CA10: variants seen among roughly 807,000 people sequenced by gnomAD.
The protein encoded by CA10 is carbonic anhydrase-related protein 10.
CA10 carries 14 observed loss-of-function variants against 44.2 expected under a neutral mutation model. The ratio of observed to expected loss-of-function variants is 0.32; its 90% CI spans 0.21 to 0.50. The LOEUF is 0.50. CA10 is among the 20% of genes least tolerant of loss of function. The pLI is 0.99. For missense variants in CA10, 350 were observed against 409.7 expected, an observed-to-expected ratio of 0.85 and a Z score of 1.26; for synonymous variants, 159 against 141.6, an observed-to-expected ratio of 1.12 and a Z score of -0.87.
chr17:52,058,629 G>A lies in CA10; in HGVS notation c.136+13690C>T, dbSNP rs141130353. Among the ~76,000 whole-genome samples, 226 of 152,260 alleles carry A rather than the reference G, an allele frequency of 1.5e-3. 1 individual carries two copies. Among genetic ancestry groups the A allele is most frequent in the Non-Finnish European group, 2.6e-3 (179 of 67,994 alleles). On this transcript the variant is annotated intron_variant, in intron 2 of 8. Coordinates refer to ENST00000451037, the MANE Select transcript of CA10 (RefSeq NM_020178.5). ...GAAGTTTTCAATCTGTTATTAAGTA[G>A]CAGTTCAGATTTCACTATGTTTAAT...
chr17:51,676,715 A>G (rs1167104829), intron 4 of CA10, among the ~76,000 whole-genome samples: 1 of 152,026 alleles, frequency 6.6e-6, no homozygotes. Flanking sequence ...CATATGCAAC[A>G]CTCCCCACTT....
chr17:51,784,690 T>C (rs769683432), intron 3 of CA10, among the ~76,000 whole-genome samples: 2 of 152,252 alleles, frequency 1.3e-5, no homozygotes, highest in African/African-American at 2.4e-5. Flanking sequence ...GTACAAGAGA[T>C]GTTTTGTTAC....
intron 2 of CA10, among the ~76,000 whole-genome samples, chr17:51,956,570 G>C (rs1300864727): frequency 3.9e-5 from 6 of 152,140 alleles, no homozygotes; most frequent in African/African-American, 1.4e-4. Context: ...TAGAGTAAGA[G>C]AAACATACAA....
At chr17:51,710,718 T>A (rs1915911961) in intron 4 of CA10, among the ~76,000 whole-genome samples, 1 of 152,032 alleles carries the variant, frequency 6.6e-6, no homozygotes, top group Admixed American at 6.6e-5. Context: ...CTGCCAAACC[T>A]GAAAGTGGTT....
intron 4 of CA10, among the ~76,000 whole-genome samples, chr17:51,681,401 C>A (rs1358152783): frequency 1.3e-5 from 2 of 152,152 alleles, no homozygotes; most frequent in South Asian, 2.1e-4. Flanking sequence ...TAGAGGGGAA[C>A]CAATTTTAGC....
intron 3 of CA10, among the ~76,000 whole-genome samples, chr17:51,799,713 T>C (rs1042932721): frequency 1.3e-5 from 2 of 152,222 alleles, no homozygotes; most frequent in Non-Finnish European, 1.5e-5. Flanking sequence ...AAAAACTGAG[T>C]ATATTATCCA....
chr17:51,753,863 A>G (rs1904979736), intron 3 of CA10, among the ~76,000 whole-genome samples: 2 of 152,012 alleles, frequency 1.3e-5, no homozygotes, highest in South Asian at 2.1e-4. Context: ...CTGTTTTTTG[A>G]TACGGAGTCT....
chr17:51,865,716 T>G (rs928526659), intron 3 of CA10, among the ~76,000 whole-genome samples: 1 of 152,224 alleles, frequency 6.6e-6, no homozygotes, highest in Non-Finnish European at 1.5e-5. Flanking sequence ...GCCCCACAGC[T>G]CATCAGTGCT....
intron 3 of CA10, among the ~76,000 whole-genome samples, chr17:51,864,007 A>G (rs1212830237): frequency 1.3e-5 from 2 of 152,112 alleles, no homozygotes; most frequent in East Asian, 3.9e-4. Context: ...ATGGGTTAAT[A>G]TTAGGCAGCT....
chr17:52,110,652 C>T (rs1048804625), intron 1 of CA10, among the ~76,000 whole-genome samples: 1 of 152,186 alleles, frequency 6.6e-6, no homozygotes, highest in Non-Finnish European at 1.5e-5. Context: ...TGAACTCTAG[C>T]TTCAGCCTGA....
At chr17:52,065,432 C>T (rs1458094685) in intron 2 of CA10, among the ~76,000 whole-genome samples, 1 of 152,124 alleles carries the variant, frequency 6.6e-6, no homozygotes, top group Admixed American at 6.5e-5. Flanking sequence ...CTATTCTGAC[C>T]CAAGTTTGTT....
intron 1 of CA10, among the ~76,000 whole-genome samples, chr17:52,127,518 C>T (rs1280146677): frequency 1.3e-5 from 2 of 152,082 alleles, no homozygotes; most frequent in African/African-American, 4.8e-5. Flanking sequence ...TGCAGACTTG[C>T]CCTCCAATAA....
At chr17:51,761,035 A>G (rs1025680018) in intron 3 of CA10, among the ~76,000 whole-genome samples, 1 of 152,166 alleles carries the variant, frequency 6.6e-6, no homozygotes, top group Non-Finnish European at 1.5e-5. Flanking sequence ...GCCATACTGG[A>G]AGTGCAGCCT....
intron 3 of CA10, among the ~76,000 whole-genome samples, chr17:51,918,136 T>C (rs1982076542): frequency 6.6e-6 from 1 of 152,186 alleles, no homozygotes; most frequent in African/African-American, 2.4e-5. Context: ...AAACACTGAA[T>C]TGATTTCTGT....
intron 3 of CA10, among the ~76,000 whole-genome samples, chr17:51,849,371 G>A (rs763233309): frequency 6.6e-6 from 1 of 150,876 alleles, no homozygotes; most frequent in Non-Finnish European, 1.5e-5. Flanking sequence ...TAAAATGTTT[G>A]TTGAATGACC....
chr17:51,956,940 A>G (rs1365816249), intron 2 of CA10, among the ~76,000 whole-genome samples: 1 of 152,130 alleles, frequency 6.6e-6, no homozygotes, highest in East Asian at 1.9e-4. Context: ...GATGCTGTTC[A>G]TGCTATTATA....
intron 4 of CA10, among the ~76,000 whole-genome samples, chr17:51,683,271 A>G (rs1402903337): frequency 6.6e-6 from 1 of 152,212 alleles, no homozygotes; most frequent in Non-Finnish European, 1.5e-5. Context: ...GAGCTTTGAG[A>G]GTCAGTGTGG....
At chr17:52,094,996 T>C (rs900761571) in intron 1 of CA10, among the ~76,000 whole-genome samples, 8 of 152,204 alleles carry the variant, frequency 5.3e-5, no homozygotes, top group Non-Finnish European at 1.0e-4. Flanking sequence ...TTAGTGCGCA[T>C]GTCTACTAAA....
At chr17:52,147,190 G>A (rs781458745) in intron 1 of CA10, among the ~76,000 whole-genome samples, 1 of 151,890 alleles carries the variant, frequency 6.6e-6, no homozygotes, top group African/African-American at 2.4e-5. Flanking sequence ...TGGTCTATGG[G>A]GAATAATTTT....
Sources: allele counts gnomAD v4.1 joint callset (sites outside exome capture counted in the v4.1 genomes callset), GRCh38; gene constraint gnomAD v4.1.1; transcripts MANE v1.5; gene names NCBI Gene and HGNC (gene_info 2026-07-23, HGNC 2026-07-21).